SCAND3: variants seen among roughly 807,000 people sequenced by gnomAD.
SCAND3 encodes SCAN domain containing 3, also known as SCAN domain-containing protein 3.
the SCAND3 span, chr6:28,573,372 A>G: frequency 6.2e-7 from 1 of 1,614,088 alleles, no homozygotes. Context: ...GTGTCTCAGC[A>G]ATTGTGTATG....
the SCAND3 span, chr6:28,572,635 T>C: frequency 1.8e-5 from 29 of 1,613,916 alleles, no homozygotes; most frequent in Non-Finnish European, 2.3e-5. The surrounding 1 kb of genome is among the most constrained non-coding windows in gnomAD (Gnocchi z 4.1). Context: ...CATGGGTTTC[T>C]TGCCTTGCAG....
At chr6:28,575,451 T>C in the SCAND3 span, 1 of 1,613,842 alleles carries the variant, frequency 6.2e-7, no homozygotes, top group Non-Finnish European at 8.5e-7. This position sits in a 1 kb window ranked among gnomAD's most constrained non-coding sequence, Gnocchi z 4.2. Context: ...AAAGAGCATG[T>C]GCAACTTCCG....
At chr6:28,573,966 C>T in the SCAND3 span, 1 of 1,128,538 alleles carries the variant, frequency 8.9e-7, no homozygotes, top group Non-Finnish European at 1.2e-6. Context: ...AAATAAATGC[C>T]TATATTTTCT....
the SCAND3 span, among the ~76,000 whole-genome samples, chr6:28,605,967 T>G: frequency 6.6e-6 from 1 of 152,150 alleles, no homozygotes; most frequent in African/African-American, 2.4e-5. Context: ...ACAGGACAAC[T>G]AAATGCAACG....
chr6:28,595,005 A>G, the SCAND3 span, among the ~76,000 whole-genome samples: 1 of 151,920 alleles, frequency 6.6e-6, no homozygotes, highest in Non-Finnish European at 1.5e-5. Flanking sequence ...TAATTTAAAA[A>G]GTGAAATTAA....
chr6:28,573,739 T>C, the SCAND3 span: 2 of 1,603,404 alleles, frequency 1.2e-6, no homozygotes, highest in Non-Finnish European at 1.7e-6. Flanking sequence ...ATAACTTCTA[T>C]TGTTAACATT....
chr6:28,587,981 G>A, the SCAND3 span: 2 of 152,204 alleles, frequency 1.3e-5, no homozygotes, highest in Admixed American at 6.5e-5. Flanking sequence ...GATGCCCAAG[G>A]AATATTTGTT....
At chr6:28,609,984 G>A in the SCAND3 span, among the ~76,000 whole-genome samples, 1 of 152,106 alleles carries the variant, frequency 6.6e-6, no homozygotes, top group Non-Finnish European at 1.5e-5. Context: ...CCAGTGCTTT[G>A]GGAGGTGAGG....
the SCAND3 span, among the ~76,000 whole-genome samples, chr6:28,596,625 TA>T: frequency 0.059 from 8,996 of 151,982 alleles, 616 homozygotes; most frequent in African/African-American, 0.16. Context: ...AAAAAATATA[TA>T]TTTTTTTCTC....
At chr6:28,580,565 G>T in the SCAND3 span, among the ~76,000 whole-genome samples, 32 of 152,210 alleles carry the variant, frequency 2.1e-4, no homozygotes, top group African/African-American at 7.2e-4. Context: ...GCTTAATAAG[G>T]TATCTTATGT....
chr6:28,583,399 AAACAAC>A, the SCAND3 span, among the ~76,000 whole-genome samples: 8 of 143,442 alleles, frequency 5.6e-5, no homozygotes, highest in South Asian at 2.2e-4. Context: ...ACAAACAAAC[AAACAAC>A]AACAACAACA....
chr6:28,586,774 G>A, the SCAND3 span: 1 of 1,470,768 alleles, frequency 6.8e-7, no homozygotes, highest in African/African-American at 1.4e-5. This position sits in a 1 kb window ranked among gnomAD's most constrained non-coding sequence, Gnocchi z 4.4. Flanking sequence ...AGGCAAATGG[G>A]TGATTTTACT....
chr6:28,610,621 GTTTATAC>G, the SCAND3 span, among the ~76,000 whole-genome samples: 1 of 152,090 alleles, frequency 6.6e-6, no homozygotes, highest in South Asian at 2.1e-4. Context: ...ATCACAAGTA[GTTTATAC>G]TTTGATGTGT....
At chr6:28,575,213 AT>A in the SCAND3 span, 1 of 1,614,082 alleles carries the variant, frequency 6.2e-7, no homozygotes, top group African/African-American at 1.3e-5. The surrounding 1 kb of genome is among the most constrained non-coding windows in gnomAD (Gnocchi z 4.2). Context: ...AACCACAAAA[AT>A]TCAGTCCAGT....
chr6:28,573,161 C>T, the SCAND3 span: 1 of 1,613,276 alleles, frequency 6.2e-7, no homozygotes, highest in Non-Finnish European at 8.5e-7. Context: ...ATCATGTTAG[C>T]AATATCTCTG....
chr6:28,597,418 C>T, the SCAND3 span, among the ~76,000 whole-genome samples: 1 of 152,186 alleles, frequency 6.6e-6, no homozygotes, highest in Non-Finnish European at 1.5e-5. Context: ...TCGGCCACCT[C>T]GTCACATGCT....
At chr6:28,601,400 C>G in the SCAND3 span, among the ~76,000 whole-genome samples, 756 of 152,310 alleles carry the variant, frequency 5.0e-3, 5 homozygotes, top group Non-Finnish European at 7.7e-3. Flanking sequence ...ACACCATTCT[C>G]TCTAACTTTA....
the SCAND3 span, among the ~76,000 whole-genome samples, chr6:28,595,195 CAAAAA>C: frequency 1.2e-4 from 2 of 16,104 alleles, no homozygotes; most frequent in South Asian, 4.3e-3. Flanking sequence ...CCGTCACTAC[CAAAAA>C]AAAAAAAAAA....
chr6:28,599,964 T>C, the SCAND3 span, among the ~76,000 whole-genome samples: 1 of 152,018 alleles, frequency 6.6e-6, no homozygotes, highest in Non-Finnish European at 1.5e-5. Context: ...ACACTGACCT[T>C]AGCACTTTCA....
Sources: gnomAD v4.1 joint callset for allele counts (sites outside exome capture counted in the v4.1 genomes callset) on GRCh38, gnomAD v4.1.1 for gene constraint, Gnocchi (gnomAD v3.1) non-coding constraint, MANE v1.5 for transcripts, NCBI Gene and HGNC (gene_info 2026-07-23, HGNC 2026-07-21) for gene names.